MNAT1: variants seen among roughly 807,000 people sequenced by gnomAD.
MNAT1 encodes the protein CDK-activating kinase assembly factor MAT1.
A neutral mutation model predicts 42.0 loss-of-function variants in MNAT1; 43 were observed. The observed-to-expected ratio is 1.02, with a 90% CI of 0.80 to 1.32. MNAT1 has a LOEUF of 1.32. Ranked by LOEUF, MNAT1 falls within the 40% of genes most tolerant of loss-of-function variation. MNAT1 has a pLI of 0.00. For missense variants in MNAT1, 306 were observed against 350.4 expected (o/e 0.87, Z 1.01); for synonymous variants, 118 against 120.0 (o/e 0.98, Z 0.11).
chr14:60,751,496 C>A (rs1466808954), intron 1 of MNAT1, among the ~76,000 whole-genome samples: 1 of 151,818 alleles, frequency 6.6e-6, no homozygotes, highest in Non-Finnish European at 1.5e-5. Flanking sequence ...TAAGCAATGA[C>A]ATAGTATTTG....
At chr14:60,939,975 A>G (rs1195496924) in intron 7 of MNAT1, among the ~76,000 whole-genome samples, 1 of 151,946 alleles carries the variant, frequency 6.6e-6, no homozygotes, top group Non-Finnish European at 1.5e-5. Context: ...TGATCCCTTT[A>G]CCATTATGTA....
chr14:60,859,154 C>A (rs1436994444), intron 6 of MNAT1, among the ~76,000 whole-genome samples: 1 of 152,196 alleles, frequency 6.6e-6, no homozygotes, highest in Admixed American at 6.5e-5. Context: ...ACATATATTT[C>A]ATCTGTCATT....
At position 60,888,294 on chromosome 14, in the gene MNAT1, A is replaced by G. The variant is rs573972651; in HGVS notation, c.809+8459A>G. 3.9e-5 allele frequency among the ~76,000 whole-genome samples: 6 copies of G among 152,034 alleles called. No homozygotes were observed. The East Asian group carries it at 5.8e-4, about 15-fold the overall frequency. On this transcript the variant is annotated intron_variant, in intron 7 of 7. Coordinates refer to ENST00000261245, the MANE Select transcript of MNAT1 (RefSeq NM_002431.4). Reference sequence around the variant, plus strand: ...CCCTGGGATGCAAGGCTGGTTCAACATACACAAATCAATAATCATAATCCA... The same window carrying G: ...CCCTGGGATGCAAGGCTGGTTCAACGTACACAAATCAATAATCATAATCCA...
intron 7 of MNAT1, among the ~76,000 whole-genome samples, chr14:60,888,368 T>A (rs1232428287): frequency 6.6e-6 from 1 of 152,066 alleles, no homozygotes; most frequent in Non-Finnish European, 1.5e-5. Context: ...TCTCAATAGA[T>A]GCAGAAAAGC....
chr14:60,805,496 T>A (rs902134929), intron 3 of MNAT1, among the ~76,000 whole-genome samples: 10 of 152,240 alleles, frequency 6.6e-5, no homozygotes, highest in East Asian at 1.9e-4. Flanking sequence ...TAATAATGTG[T>A]ATCTACCATT....
chr14:60,942,558 A>G (rs943513286), intron 7 of MNAT1, among the ~76,000 whole-genome samples: 8 of 151,966 alleles, frequency 5.3e-5, no homozygotes, highest in African/African-American at 9.7e-5. Context: ...GCCTAAGACA[A>G]TCGTTGACAG....
intron 7 of MNAT1, among the ~76,000 whole-genome samples, chr14:60,947,730 T>G (rs1594901744): frequency 6.6e-6 from 1 of 152,216 alleles, no homozygotes; most frequent in Admixed American, 6.5e-5. Context: ...ATTTTTTAGT[T>G]AGTTTGAAAA....
intron 1 of MNAT1, chr14:60,780,300 A>G: frequency 6.7e-7 from 1 of 1,499,404 alleles, no homozygotes; most frequent in Non-Finnish European, 9.3e-7. Context: ...GAGTGTGATA[A>G]GACTGCAAAA....
intron 6 of MNAT1, among the ~76,000 whole-genome samples, chr14:60,824,598 A>G (rs10130819): frequency 0.054 from 8,160 of 152,260 alleles, 719 homozygotes; most frequent in African/African-American, 0.19. Context: ...ATTAAATCCC[A>G]GATTTACCGT....
chr14:60,961,055 C>T lies in MNAT1; in HGVS notation c.810-7174C>T, dbSNP rs1420180730. On this transcript the variant is annotated intron_variant, in intron 7 of 7. Coordinates refer to ENST00000261245, the MANE Select transcript of MNAT1 (RefSeq NM_002431.4). ...TCAGCTCACCGCAACCTCTACCTCC[C>T]GGGTTCAAGTGATTCTCCTGCCTCA... Among the ~76,000 whole-genome samples, 11 of 152,202 alleles carry T rather than the reference C, an allele frequency of 7.2e-5. No individual in the cohort carries two copies. The East Asian group carries it at 7.7e-4, about 11-fold the overall frequency.
Position 60,968,551 on chromosome 14 carries a change from T to A in MNAT1, c.*202T>A. The A allele has an allele frequency of 1.5e-6, 2 of 1,369,192 alleles. No individual in the cohort carries two copies. Among genetic ancestry groups the A allele is most frequent in the Non-Finnish European group, 1.9e-6 (2 of 1,027,410 alleles). The allele number at this position is 1,369,192 out of a possible 1,614,324, so 84.8% of individuals were successfully genotyped here. ...TTGTGAAAAATAATTTTTACTTATA[T>A]TTTTCAGAGGATTTGACACGATAAG... is the stretch of plus-strand genomic sequence containing the variant. On this transcript the variant is annotated 3_prime_UTR_variant, in exon 8 of 8. Coordinates refer to ENST00000261245, the MANE Select transcript of MNAT1 (RefSeq NM_002431.4).
intron 7 of MNAT1, among the ~76,000 whole-genome samples, chr14:60,951,165 G>T (rs1366769622): frequency 3.3e-5 from 5 of 149,858 alleles, no homozygotes; most frequent in Non-Finnish European, 7.4e-5. Flanking sequence ...CCAGAATTAA[G>T]AAATATTATT....
At chr14:60,934,142 T>C (rs143357873) in intron 7 of MNAT1, among the ~76,000 whole-genome samples, 288 of 152,322 alleles carry the variant, frequency 1.9e-3, no homozygotes, top group African/African-American at 6.8e-3. Context: ...TTCGTAGAGA[T>C]GCTGTTACTG....
At chr14:60,893,124 T>C in intron 7 of MNAT1, among the ~76,000 whole-genome samples, 1 of 152,106 alleles carries the variant, frequency 6.6e-6, no homozygotes, top group African/African-American at 2.4e-5. Context: ...TGCTCTATTT[T>C]GTGCTTTTTA....
intron 7 of MNAT1, among the ~76,000 whole-genome samples, chr14:60,950,992 GT>G (rs1269733998): frequency 3.0e-4 from 45 of 152,198 alleles, no homozygotes; most frequent in African/African-American, 1.1e-3. Flanking sequence ...AGTAGCCATG[GT>G]ACGTAGAAGA....
At chr14:60,840,771 C>T (rs1258437173) in intron 6 of MNAT1, among the ~76,000 whole-genome samples, 3 of 152,128 alleles carry the variant, frequency 2.0e-5, no homozygotes, top group African/African-American at 7.2e-5. Context: ...TCAAGCGATT[C>T]TCCTGCCTCA....
rs2036742675 is a variant in MNAT1 at position 60,969,490 on chromosome 14, T to C, written c.*1141T>C. On this transcript the variant is annotated 3_prime_UTR_variant, in exon 8 of 8. Coordinates refer to ENST00000261245, the MANE Select transcript of MNAT1 (RefSeq NM_002431.4). Reference sequence around the variant, plus strand: ...TTTTAGCAATACATCTTCATCTTTATTGTACTTCTATCTTTGTTAAATGAG... The same window carrying C: ...TTTTAGCAATACATCTTCATCTTTACTGTACTTCTATCTTTGTTAAATGAG... 6.6e-6 allele frequency: 1 copy of C among 152,200 alleles called. No individual in the cohort carries two copies. The highest frequency in any genetic ancestry group is 1.5e-5 in the Non-Finnish European group (1 of 68,018). The allele number at this position is 152,200 out of a possible 1,614,324, so 9.4% of individuals were successfully genotyped here. A position where few individuals can be genotyped will look rare whatever the true frequency, so the allele number is the denominator to read the frequency against.
intron 1 of MNAT1, among the ~76,000 whole-genome samples, chr14:60,752,993 G>A (rs1427140131): frequency 6.6e-6 from 1 of 152,196 alleles, no homozygotes; most frequent in Non-Finnish European, 1.5e-5. Context: ...TTGAACTCCT[G>A]ACCTCAGGTG....
intron 7 of MNAT1, among the ~76,000 whole-genome samples, chr14:60,888,850 T>G (rs2034756610): frequency 7.3e-6 from 1 of 137,918 alleles, no homozygotes; most frequent in African/African-American, 2.7e-5. Context: ...CATTCACAAT[T>G]GCTTCAAAGA....
Sources: gnomAD v4.1 joint callset for allele counts (sites outside exome capture counted in the v4.1 genomes callset) on GRCh38, gnomAD v4.1.1 for gene constraint, MANE v1.5 for transcripts, NCBI Gene and HGNC (gene_info 2026-07-23, HGNC 2026-07-21) for gene names.